The following LRP2 variants were observed in gnomAD, a reference collection of about 807,000 sequenced individuals.
LRP2 encodes the protein LDL receptor related protein 2.
Under a neutral mutation model 531.0 loss-of-function variants are expected in LRP2, and 172 were observed. That is an observed-to-expected ratio of 0.32 (90% CI 0.29 to 0.37). LRP2 has a LOEUF of 0.37. Ranked by LOEUF, LRP2 falls within the 10% of genes least tolerant of loss-of-function variation. The pLI is 1.00. For missense variants in LRP2, 5,167 were observed against 5,868.3 expected (o/e 0.88, Z 3.90); for synonymous variants, 1,992 against 2,027.6 (o/e 0.98, Z 0.47).
chr2:169,161,623 A>C (rs529971526), intron 63 of LRP2, among the ~76,000 whole-genome samples: 2 of 152,060 alleles, frequency 1.3e-5, no homozygotes, highest in Non-Finnish European at 2.9e-5. Flanking sequence ...AGAGGTGCAC[A>C]CCACTACACC....
chr2:169,297,825 C>T (rs1684173183), intron 4 of LRP2, among the ~76,000 whole-genome samples: 1 of 152,010 alleles, frequency 6.6e-6, no homozygotes, highest in South Asian at 2.1e-4. Flanking sequence ...AAATATAAGG[C>T]ACTGTTCATT....
chr2:169,300,465 C>T (rs1684259833), intron 4 of LRP2, among the ~76,000 whole-genome samples: 2 of 151,794 alleles, frequency 1.3e-5, no homozygotes, highest in African/African-American at 4.8e-5. Flanking sequence ...GGATATATCA[C>T]ATATGTAAAA....
At chr2:169,226,963 G>A (rs1351672504) in intron 31 of LRP2, among the ~76,000 whole-genome samples, 1 of 151,522 alleles carries the variant, frequency 6.6e-6, no homozygotes, top group Non-Finnish European at 1.5e-5. Context: ...AGGGAAAGGA[G>A]AGTTGAGTTT....
At chr2:169,354,519 G>C (rs544571889) in intron 1 of LRP2, among the ~76,000 whole-genome samples, 2 of 152,132 alleles carry the variant, frequency 1.3e-5, no homozygotes, top group Non-Finnish European at 2.9e-5. Flanking sequence ...GAGGGCTAAT[G>C]ACCAAAAGTG....
chr2:169,226,313 C>G, intron 32 of LRP2, 109 bp downstream of exon 32: 2 of 872,150 alleles, frequency 2.3e-6, no homozygotes, highest in South Asian at 3.0e-5. Context: ...TTTATTTCCA[C>G]ATTGTTTCCC....
chr2:169,214,617 G>A (rs1484477841), intron 35 of LRP2, among the ~76,000 whole-genome samples: 2 of 152,186 alleles, frequency 1.3e-5, no homozygotes, highest in African/African-American at 4.8e-5. Context: ...TGATGAAACT[G>A]ATCAAAGTTC....
intron 16 of LRP2, among the ~76,000 whole-genome samples, chr2:169,268,422 C>T (rs1239786480): frequency 1.3e-5 from 2 of 152,224 alleles, no homozygotes; most frequent in Non-Finnish European, 2.9e-5. Flanking sequence ...ATCAAGTGGG[C>T]TTCATCCCTG....
In LRP2 at chr2:169,152,880, C is replaced by T. The variant is rs142934522; in HGVS notation, c.12380G>A (p.Arg4127His). ...GTCAACTTCCTGCACAAGATTATTGCGGCCGGATTCAAAGTTGGGGATGTA... is the reference window on the plus strand; with the variant it reads ...GTCAACTTCCTGCACAAGATTATTGTGGCCGGATTCAAAGTTGGGGATGTA... ...RAYIPNFESG[R>H]NNLVQEVDLK... Residue 4127 changes from arginine to histidine, a missense_variant, in exon 67 of 79, where the codon CGC becomes CAC. Around this residue, in one of 6 missense-constraint regions of LRP2, gnomAD observed 564 missense variants for 747.7 expected, o/e 0.75. Transcript: ENST00000649046. 2,691 of 1,614,070 alleles carry T rather than the reference C, an allele frequency of 1.7e-3. 24 individuals carry two copies. The Middle Eastern group carries it at 0.018, about 11-fold the overall frequency.
At chr2:169,175,565 G>A (rs1217493696) in intron 54 of LRP2, among the ~76,000 whole-genome samples, 176 bp from the exon 55 acceptor site, 2 of 152,118 alleles carry the variant, frequency 1.3e-5, no homozygotes, top group Non-Finnish European at 2.9e-5. Flanking sequence ...AACATAACTT[G>A]GCAAGATAGA....
chr2:169,168,272 G>A (rs1222101459), intron 61 of LRP2, among the ~76,000 whole-genome samples: 1 of 151,604 alleles, frequency 6.6e-6, no homozygotes, highest in Non-Finnish European at 1.5e-5. Flanking sequence ...CTTTATTTAT[G>A]CATACTAGGT....
rs1475329577 is a variant in LRP2, at chr2:169,275,212, A to C, written c.1799T>G (p.Leu600Arg). The C allele has an allele frequency of 6.2e-7, 1 of 1,613,600 alleles. No individual in the cohort carries two copies. Among genetic ancestry groups the C allele is most frequent in the African/African-American group, 1.3e-5 (1 of 74,912 alleles). The stretch of plus-strand genomic sequence containing the variant: ...GCTTACTCCAAAGGGATGAGGAATG[A>C]GGGAGCCTCCATGAACTACAGTCTT... ...QRKTVVHGGS[L>R]IPHPFGVSLF... Residue 600 changes from leucine (L) to arginine (R), a missense_variant, in exon 14 of 79, where the codon CTC becomes CGC. Physicochemically the swap from Leu to Arg is moderately radical, Grantham distance 102 (BLOSUM62 -2). Around this residue, in one of 6 missense-constraint regions of LRP2, gnomAD observed 2,811 missense variants for 3,058.0 expected, o/e 0.92. Coordinates refer to ENST00000649046, the MANE Select transcript of LRP2 (RefSeq NM_004525.3).
Position 169,209,628 on chromosome 2 carries a change from C to G in LRP2, c.6294G>C (p.Leu2098=). ...VPVAGQGRNA[L]HVDVDVSSGF... ...CAGAGGACACATCCACATCCACATG[C>G]AGTGCGTTTCGTCCTGGAAGTTAAG... Residue 2098 remains leucine, a synonymous_variant, in exon 38 of 79, where the codon CTG becomes CTC. Transcript: ENST00000649046. The G allele has an allele frequency of 6.2e-7, 1 of 1,614,084 alleles. No homozygotes were observed. Among genetic ancestry groups the G allele is most frequent in the African/African-American group, 1.3e-5 (1 of 75,050 alleles).
chr2:169,309,587 G>C lies in LRP2; in HGVS notation c.311-2190C>G, dbSNP rs202158050. On this transcript the variant is annotated intron_variant, in intron 3 of 78. Transcript: ENST00000649046. ...TATTCTGTTCCATTGGTCTATATCT[G>C]TGTTTTGGTACCAGTACCATGCTGT... Among the ~76,000 whole-genome samples, 71 of 152,168 alleles carry C rather than the reference G, an allele frequency of 4.7e-4. 3 individuals carry two copies. In the South Asian group the frequency reaches 0.012, roughly 25 times the overall value.
chr2:169,301,896 TACA>T (rs543381044), intron 4 of LRP2, among the ~76,000 whole-genome samples: 1 of 152,208 alleles, frequency 6.6e-6, no homozygotes, highest in South Asian at 2.1e-4. Flanking sequence ...GGCTACAAAC[TACA>T]ACATCAAGCT....
chr2:169,234,264 A>C (rs529015201), intron 29 of LRP2, among the ~76,000 whole-genome samples: 1 of 152,228 alleles, frequency 6.6e-6, no homozygotes, highest in African/African-American at 2.4e-5. Context: ...CCTCACATGC[A>C]TTAGATATTT....
In LRP2 at chr2:169,156,314, C is replaced by T. The variant is rs745582154; in HGVS notation, c.12111G>A (p.Thr4037=). 20 of 1,613,618 alleles carry T rather than the reference C, an allele frequency of 1.2e-5. No homozygotes were observed. Among genetic ancestry groups the T allele is most frequent in the Non-Finnish European group, 1.6e-5 (19 of 1,179,724 alleles). Residue 4037 remains threonine (T), a synonymous_variant, in exon 65 of 79, where the codon ACG becomes ACA. Coordinates refer to ENST00000649046, the MANE Select transcript of LRP2 (RefSeq NM_004525.3). ...SYECVCADGF[T]SMSDRPGKRC... ...GTTTTCCAGGGCGGTCACTCATAGACGTGAAGCCATCAGCACAGACACACT... is the reference window on the plus strand; with the variant it reads ...GTTTTCCAGGGCGGTCACTCATAGATGTGAAGCCATCAGCACAGACACACT...
At position 169,307,388 on chromosome 2, in the gene LRP2, G is replaced by A. The variant is rs1684448684; in HGVS notation, c.320C>T (p.Thr107Ile). The change falls in exon 4 of 79, where the codon ACA becomes ATA. Residue 107 changes from threonine to isoleucine, a missense_variant. Thr to Ile is a moderately conservative substitution (Grantham distance 89). Transcript: ENST00000649046. Reference protein sequence around the residue: ...SDERQDCSQSTCSSHQITCSN... With the variant: ...SDERQDCSQSICSSHQITCSN... ...GCATGTTATCTGATGACTTGAGCAT[G>A]TACTTTGTGCTGCGAAGAGAAAAAA... 1.2e-6 allele frequency: 2 copies of A among 1,603,758 alleles called. No individual in the cohort carries two copies. The highest frequency in any genetic ancestry group is 2.7e-5 in the African/African-American group (2 of 74,810).
chr2:169,154,601 T>G lies in LRP2; in HGVS notation c.12154A>C (p.Ser4052Arg), dbSNP rs1686266630. 8 of 1,613,296 alleles carry G rather than the reference T, an allele frequency of 5.0e-6. No homozygotes were observed. The highest frequency in any genetic ancestry group is 4.0e-5 in the African/African-American group (3 of 74,878). ...TCAGGCAGTAGCAACAAAGGAGAGC[T>G]ACCTGTAAACAAACAAAGGGCTACT... is the stretch of plus-strand genomic sequence containing the variant. Reference protein sequence around the residue: ...RPGKRCAAEGSSPLLLLPDNV... With the variant: ...RPGKRCAAEGRSPLLLLPDNV... Residue 4052 changes from serine to arginine, a missense_variant and splice_region_variant, in exon 66 of 79, where the codon AGC (serine) becomes CGC (arginine). By Grantham distance (110) the Ser-to-Arg change is moderately radical (BLOSUM62 -1). Coordinates refer to ENST00000649046, the MANE Select transcript of LRP2 (RefSeq NM_004525.3).
chr2:169,292,183 G>T, intron 7 of LRP2, 70 bp downstream of exon 7: 1 of 1,187,732 alleles, frequency 8.4e-7, no homozygotes, highest in Non-Finnish European at 1.3e-6. Flanking sequence ...AAAAAGGAAA[G>T]GAGAAAAAAC....
Sources: allele counts gnomAD v4.1 joint callset (sites outside exome capture counted in the v4.1 genomes callset), GRCh38; gene constraint gnomAD v4.1.1; regional missense constraint gnomAD v4.1.1; transcripts MANE v1.5; gene names NCBI Gene and HGNC (gene_info 2026-07-23, HGNC 2026-07-21).